The following CERK variants were observed in gnomAD, a reference collection of about 807,000 sequenced individuals.
CERK encodes the protein ceramide kinase.
Under a neutral mutation model 63.4 loss-of-function variants are expected in CERK, and 39 were observed. The ratio of observed to expected loss-of-function variants is 0.61; its 90% CI spans 0.48 to 0.80. The LOEUF is 0.80. Among genes scored for constraint, CERK ranks in the 30% least tolerant of loss-of-function variants. The pLI, the probability that CERK is intolerant of heterozygous loss-of-function variation, is 0.00. For missense variants in CERK, 670 were observed against 714.1 expected (o/e 0.94, Z 0.70); for synonymous variants, 302 against 280.0 (o/e 1.08, Z -0.78).
At chr22:46,737,941 G>T in intron 1 of CERK, 66 bp downstream of exon 1, 8 of 1,035,158 alleles carry the variant, frequency 7.7e-6, no homozygotes, top group Non-Finnish European at 8.2e-6. Context: ...CCCCCCAGCC[G>T]GGTCCCCCAA....
At chr22:46,720,605 AG>A (rs1332098658) in intron 2 of CERK, among the ~76,000 whole-genome samples, 4 of 152,150 alleles carry the variant, frequency 2.6e-5, no homozygotes, top group African/African-American at 9.7e-5. Context: ...CTGAGGCAGG[AG>A]AATTGCTTGA....
intron 1 of CERK, among the ~76,000 whole-genome samples, chr22:46,725,594 G>A (rs943614200): frequency 2.0e-5 from 3 of 152,206 alleles, no homozygotes; most frequent in Admixed American, 6.5e-5. Flanking sequence ...GTGGGAATTG[G>A]GGGCACTTTC....
chr22:46,699,912 A>C (rs1045945594), intron 7 of CERK, among the ~76,000 whole-genome samples: 11 of 152,184 alleles, frequency 7.2e-5, no homozygotes, highest in Admixed American at 7.2e-4. Flanking sequence ...AGAATGGTGA[A>C]ACCTTGTCTC....
At chr22:46,699,268 C>G in intron 8 of CERK, 45 bp downstream of exon 8, 2 of 1,598,930 alleles carry the variant, frequency 1.3e-6, no homozygotes, top group Admixed American at 1.7e-5. Context: ...TGAAGGCAGT[C>G]GGGGCACGAC....
intron 1 of CERK, among the ~76,000 whole-genome samples, chr22:46,723,853 G>C (rs995614053): frequency 6.6e-6 from 1 of 151,786 alleles, no homozygotes; most frequent in Non-Finnish European, 1.5e-5. Context: ...GCCTGCCACC[G>C]CACCCGGCTA....
At chr22:46,725,116 C>T (rs801587) in intron 1 of CERK, among the ~76,000 whole-genome samples, 2,911 of 152,334 alleles carry the variant, frequency 0.019, 83 homozygotes, top group African/African-American at 0.065. Context: ...GAGGACTCCA[C>T]AGTGAGAGAA....
Position 46,707,935 on chromosome 22 carries a change from A to G in CERK, c.623T>C (p.Ile208Thr), listed in dbSNP as rs2082821725. 1.2e-6 allele frequency: 2 copies of G among 1,613,832 alleles called. No individual in the cohort carries two copies. Among genetic ancestry groups the G allele is most frequent in the Non-Finnish European group, 1.7e-6 (2 of 1,179,944 alleles). Residue 208 changes from isoleucine (I) to threonine (T), a missense_variant, in exon 6 of 13, where the codon ATT (isoleucine) becomes ACT (threonine). Physicochemically the swap from Ile to Thr is moderately conservative, Grantham distance 89 (BLOSUM62 -1). Transcript: ENST00000216264. ...GMFSEVLHGL[I>T]GRTQRSAGVD... Reference sequence around the variant, plus strand: ...CCCGGCGCTCCTCTGCGTCCTCCCAATCAGACCGTGCAGCACCTCGCTGAA... The same window carrying G: ...CCCGGCGCTCCTCTGCGTCCTCCCAGTCAGACCGTGCAGCACCTCGCTGAA...
At chr22:46,697,625 C>A (rs545184801) in intron 8 of CERK, among the ~76,000 whole-genome samples, 2 of 152,168 alleles carry the variant, frequency 1.3e-5, no homozygotes, top group Non-Finnish European at 2.9e-5. Flanking sequence ...CCTGCCTCAG[C>A]CCCCCGAGGA....
intron 9 of CERK, 131 bp downstream of exon 9, chr22:46,695,079 A>G: frequency 1.7e-6 from 1 of 599,866 alleles, no homozygotes; most frequent in South Asian, 1.9e-5. Flanking sequence ...CATCATAGGC[A>G]TCGTGTGTCT....
chr22:46,699,520 C>G, intron 7 of CERK, 55 bp from the exon 8 acceptor site: 3 of 1,550,272 alleles, frequency 1.9e-6, no homozygotes, highest in South Asian at 2.3e-5. Flanking sequence ...CCCGCCCCAT[C>G]CACTCCATCC....
intron 8 of CERK, among the ~76,000 whole-genome samples, chr22:46,695,728 C>T (rs1394987369): frequency 6.6e-6 from 1 of 152,246 alleles, no homozygotes; most frequent in Non-Finnish European, 1.5e-5. Context: ...GGCTTGGCCC[C>T]CACTGGGGTC....
chr22:46,696,520 G>A (rs1270939061), intron 8 of CERK, among the ~76,000 whole-genome samples: 3 of 152,132 alleles, frequency 2.0e-5, no homozygotes, highest in East Asian at 1.9e-4. Context: ...GCGCCTCACC[G>A]ACATCTGATG....
chr22:46,716,401 G>C (rs373599580), intron 3 of CERK, among the ~76,000 whole-genome samples: 1 of 151,088 alleles, frequency 6.6e-6, no homozygotes, highest in Non-Finnish European at 1.5e-5. Context: ...ATGTTGGCCA[G>C]GCTGGTCCCG....
chr22:46,689,566 G>T (rs1306050989), intron 12 of CERK, among the ~76,000 whole-genome samples: 1 of 152,064 alleles, frequency 6.6e-6, no homozygotes, highest in Non-Finnish European at 1.5e-5. Flanking sequence ...TAGAGACGGG[G>T]TTTCACCATG....
chr22:46,723,818 C>T (rs2082904520), intron 1 of CERK, among the ~76,000 whole-genome samples: 1 of 152,018 alleles, frequency 6.6e-6, no homozygotes, highest in South Asian at 2.1e-4. Context: ...CTGCCTCAGC[C>T]TCCTGAGTAG....
At chr22:46,700,387 C>CT (rs1268013310) in intron 7 of CERK, among the ~76,000 whole-genome samples, 1 of 152,120 alleles carries the variant, frequency 6.6e-6, no homozygotes, top group African/African-American at 2.4e-5. Flanking sequence ...GAGCGAAACT[C>CT]TGTCTCAAAA....
intron 11 of CERK, 68 bp from the exon 12 acceptor site, chr22:46,690,268 C>A: frequency 1.5e-6 from 2 of 1,334,344 alleles, no homozygotes; most frequent in Non-Finnish European, 1.0e-6. Context: ...CAGCAGAACA[C>A]CCCAGGCCTG....
intron 8 of CERK, among the ~76,000 whole-genome samples, chr22:46,696,564 G>C (rs1430174169): frequency 6.6e-6 from 1 of 152,198 alleles, no homozygotes; most frequent in Non-Finnish European, 1.5e-5. Context: ...ATGGGCCCCA[G>C]ATGTCCTACC....
chr22:46,730,630 C>T (rs2082940856), intron 1 of CERK, among the ~76,000 whole-genome samples: 1 of 152,190 alleles, frequency 6.6e-6, no homozygotes, highest in African/African-American at 2.4e-5. Flanking sequence ...TTTTAATGCA[C>T]AAGCACCTTC....
Sources: gnomAD v4.1 joint callset for allele counts (sites outside exome capture counted in the v4.1 genomes callset) on GRCh38, gnomAD v4.1.1 for gene constraint, MANE v1.5 for transcripts, NCBI Gene and HGNC (gene_info 2026-07-23, HGNC 2026-07-21) for gene names.